Variants in CAMK1D observed in about 807,000 individuals in gnomAD.
CAMK1D encodes the protein calcium/calmodulin dependent protein kinase ID.
A neutral mutation model predicts 47.7 loss-of-function variants in CAMK1D; 9 were observed. The observed-to-expected ratio is 0.19, with a 90% CI of 0.11 to 0.33. The LOEUF is 0.33. Ranked by LOEUF, CAMK1D falls within the 10% of genes least tolerant of loss-of-function variation. The pLI is 1.00. For missense variants in CAMK1D, 291 were observed against 488.7 expected, an observed-to-expected ratio of 0.60 and a Z score of 3.81; for synonymous variants, 184 against 184.9, an observed-to-expected ratio of 0.99 and a Z score of 0.04.
chr10:12,769,905 C>T, intron 5 of CAMK1D, 106 bp downstream of exon 5: 3 of 1,253,606 alleles, frequency 2.4e-6, no homozygotes, highest in East Asian at 2.3e-5. Context: ...ATGAGCTTGG[C>T]ATGTAATCAC....
chr10:12,549,799 C>T (rs7071971), intron 1 of CAMK1D, among the ~76,000 whole-genome samples: 77,610 of 152,008 alleles, frequency 0.51, 20,416 homozygotes, highest in Non-Finnish European at 0.58. Context: ...CCTAGCTCCA[C>T]GGGCACTACT....
rs553553899 is a variant in CAMK1D, at chr10:12,676,608, A to T, written c.299+9798A>T. Among the ~76,000 whole-genome samples, 246 of 152,170 alleles carry T rather than the reference A, an allele frequency of 1.6e-3. 1 individual carries two copies. The highest frequency in any genetic ancestry group is 3.0e-3 in the Non-Finnish European group (202 of 68,024). On this transcript the variant is annotated intron_variant, in intron 3 of 10. Coordinates refer to ENST00000619168, the MANE Select transcript of CAMK1D (RefSeq NM_153498.4). The stretch of plus-strand genomic sequence containing the variant: ...TACAGTAAACTCAGGAGTTACTGTG[A>T]TCCCAGTTTTCAATGAGGAACCTGA...
intron 6 of CAMK1D, among the ~76,000 whole-genome samples, chr10:12,809,962 A>G (rs1350142902): frequency 1.3e-5 from 2 of 151,962 alleles, no homozygotes; most frequent in African/African-American, 4.8e-5. Flanking sequence ...AGCCTAGGCC[A>G]CATGGCAAAA....
At chr10:12,675,733 G>A (rs542977223) in intron 3 of CAMK1D, among the ~76,000 whole-genome samples, 43 of 152,040 alleles carry the variant, frequency 2.8e-4, no homozygotes, top group Middle Eastern at 3.4e-3. Flanking sequence ...TCTCATCTTC[G>A]AGTCAAAGAC....
chr10:12,560,277 G>T (rs1836893890), intron 2 of CAMK1D, among the ~76,000 whole-genome samples: 1 of 152,108 alleles, frequency 6.6e-6, no homozygotes, highest in Non-Finnish European at 1.5e-5. Flanking sequence ...TGGGGTCCGG[G>T]CGCGGTGGCT....
intron 6 of CAMK1D, among the ~76,000 whole-genome samples, chr10:12,793,817 G>C (rs1838082532): frequency 1.3e-5 from 2 of 152,240 alleles, no homozygotes; most frequent in Non-Finnish European, 1.5e-5. Flanking sequence ...CAGGAAACGT[G>C]TTGGCAGTAG....
chr10:12,454,307 C>A (rs746834345), intron 1 of CAMK1D, among the ~76,000 whole-genome samples: 1 of 151,984 alleles, frequency 6.6e-6, no homozygotes, highest in Non-Finnish European at 1.5e-5. Context: ...GGACTACAGG[C>A]GCGTGCCACC....
Position 12,538,848 on chromosome 10 carries a change from G to A in CAMK1D, c.93-14377G>A, listed in dbSNP as rs1381887479. 2.7e-5 allele frequency among the ~76,000 whole-genome samples: 4 copies of A among 148,318 alleles called. No homozygotes were observed. In the Admixed American group the frequency reaches 2.7e-4, roughly 10 times the overall value. ...TGAAGTGGTGGGGGAGGGGGGCAGT[G>A]GAACTCATGTCCATATTGCAGGTGG... On this transcript the variant is annotated intron_variant, in intron 1 of 10. Transcript: ENST00000619168.
intron 10 of CAMK1D, 147 bp downstream of exon 10, chr10:12,825,837 T>C (rs1263735831): frequency 6.5e-6 from 9 of 1,377,620 alleles, no homozygotes; most frequent in Admixed American, 2.4e-5. Flanking sequence ...TAGGACTTTT[T>C]TTAACATGTA....
At position 12,683,243 on chromosome 10, in the gene CAMK1D, C is replaced by T. The variant is rs192454597; in HGVS notation, c.299+16433C>T. Among the ~76,000 whole-genome samples, 445 of 152,098 alleles carry T rather than the reference C, an allele frequency of 2.9e-3. 1 individual carries two copies. The highest frequency in any genetic ancestry group is 0.017 in the Middle Eastern group (5 of 294). Reference sequence around the variant, plus strand: ...CTGGGACTACAGGTGCGCACCACCACGCCCAGCTGATTTTTGTATTTTTAG... The same window carrying T: ...CTGGGACTACAGGTGCGCACCACCATGCCCAGCTGATTTTTGTATTTTTAG... On this transcript the variant is annotated intron_variant, in intron 3 of 10. Transcript: ENST00000619168.
intron 1 of CAMK1D, among the ~76,000 whole-genome samples, chr10:12,529,627 T>A (rs1835740434): frequency 6.6e-6 from 1 of 152,202 alleles, no homozygotes; most frequent in Admixed American, 6.5e-5. Context: ...TGAGTCTGTT[T>A]TCTAAGGTCA....
rs10554443 is a variant in CAMK1D, at chr10:12,683,741, GGTGTGTGTGTGTGTGTGTGTGT to G, written c.299+16952_299+16973del. Among the ~76,000 whole-genome samples, 261 of 144,980 alleles carry G rather than the reference GGTGTGTGTGTGTGTGTGTGTGT, an allele frequency of 1.8e-3. No individual in the cohort carries two copies. The Middle Eastern group carries it at 0.031, about 17-fold the overall frequency. On this transcript the variant is annotated intron_variant, in intron 3 of 10. Transcript: ENST00000619168. Reference sequence around the variant, plus strand: ...TGAAGTAAATGAATTTAGGAATCCAGGTGTGTGTGTGTGTGTGTGTGTGTGTGTGTGTGTGTGTGTGTAACAT... The same window carrying G: ...TGAAGTAAATGAATTTAGGAATCCAGGTGTGTGTGTGTGTGTGTGTAACAT...
chr10:12,521,492 T>C (rs1049899275), intron 1 of CAMK1D, among the ~76,000 whole-genome samples: 1 of 152,246 alleles, frequency 6.6e-6, no homozygotes, highest in Non-Finnish European at 1.5e-5. Context: ...TTAAAGTTTG[T>C]TTTATGATAA....
chr10:12,653,695 T>C (rs1465881927), intron 2 of CAMK1D, among the ~76,000 whole-genome samples: 1 of 152,268 alleles, frequency 6.6e-6, no homozygotes, highest in African/African-American at 2.4e-5. Context: ...ATTAGATGGT[T>C]GTTCAAAACA....
At chr10:12,575,551 G>A (rs944615965) in intron 2 of CAMK1D, among the ~76,000 whole-genome samples, 1 of 152,226 alleles carries the variant, frequency 6.6e-6, no homozygotes, top group Admixed American at 6.5e-5. Context: ...CTCTAAAGCA[G>A]TGGTCTCCAA....
chr10:12,567,951 T>A (rs1837175148), intron 2 of CAMK1D, among the ~76,000 whole-genome samples: 1 of 152,164 alleles, frequency 6.6e-6, no homozygotes, highest in African/African-American at 2.4e-5. Context: ...GGTTCCATGT[T>A]CTGTTGGATT....
intron 1 of CAMK1D, among the ~76,000 whole-genome samples, chr10:12,526,963 A>T (rs140237014): frequency 2.4e-3 from 362 of 151,746 alleles, no homozygotes; most frequent in African/African-American, 8.2e-3. Flanking sequence ...AGATGGGAGG[A>T]TCGACTGAAC....
intron 2 of CAMK1D, among the ~76,000 whole-genome samples, chr10:12,561,326 A>G (rs558501506): frequency 1.3e-5 from 2 of 152,190 alleles, no homozygotes; most frequent in African/African-American, 4.8e-5. Context: ...GGGCACGTAC[A>G]TGTGAGCCTG....
intron 3 of CAMK1D, among the ~76,000 whole-genome samples, chr10:12,720,218 G>T (rs1177547410): frequency 6.6e-6 from 1 of 152,210 alleles, no homozygotes; most frequent in African/African-American, 2.4e-5. Flanking sequence ...ATGTCACTCA[G>T]GACTCATGAC....
Sources: allele counts gnomAD v4.1 joint callset (sites outside exome capture counted in the v4.1 genomes callset), GRCh38; gene constraint gnomAD v4.1.1; transcripts MANE v1.5; gene names NCBI Gene and HGNC (gene_info 2026-07-23, HGNC 2026-07-21).